PRR11: variants seen among roughly 807,000 people sequenced by gnomAD.
PRR11 encodes the protein proline rich 11.
In PRR11, 30 loss-of-function variants were observed where a neutral mutation model predicts 45.6. The observed-to-expected ratio is 0.66, with a 90% CI of 0.49 to 0.89. The LOEUF (loss-of-function observed/expected upper bound fraction) is 0.89. Ranked by LOEUF, PRR11 falls within the 40% of genes least tolerant of loss-of-function variation. The pLI, the probability that PRR11 is intolerant of heterozygous loss-of-function variation, is 0.00. For synonymous variants in PRR11, 128 were observed against 153.5 expected (o/e 0.83, Z 1.23); for missense variants, 373 against 424.8 (o/e 0.88, Z 1.07).
intron 7 of PRR11, among the ~76,000 whole-genome samples, chr17:59,196,195 C>T (rs2046865181): frequency 6.6e-6 from 1 of 150,376 alleles, no homozygotes; most frequent in Non-Finnish European, 1.5e-5. Context: ...CAAAATGACA[C>T]TTTAAGTTAA....
intron 4 of PRR11, among the ~76,000 whole-genome samples, chr17:59,190,509 A>G (rs981443928): frequency 6.6e-6 from 1 of 152,138 alleles, no homozygotes; most frequent in Non-Finnish European, 1.5e-5. Flanking sequence ...AGAATTAAGA[A>G]TGAAGCTTAT....
In PRR11 at chr17:59,173,484, G is replaced by C. The variant is rs188724707; in HGVS notation, c.128+3604G>C. On this transcript the variant is annotated intron_variant, in intron 2 of 9. Coordinates refer to ENST00000262293, the MANE Select transcript of PRR11 (RefSeq NM_018304.4). ...GTCTGCAGCTTCACTTCTGAAGCCA[G>C]TGAGACCACGAACCCACCGGGAGGA... 3.9e-5 allele frequency among the ~76,000 whole-genome samples: 6 copies of C among 152,320 alleles called. No individual in the cohort carries two copies. The East Asian group carries it at 1.2e-3, about 29-fold the overall frequency.
In PRR11 at chr17:59,205,996, A is replaced by G. The variant is rs1287700667; in HGVS notation, c.*4365A>G. 1.3e-5 allele frequency among the ~76,000 whole-genome samples: 2 copies of G among 152,206 alleles called. No individual in the cohort carries two copies. The highest frequency in any genetic ancestry group is 4.8e-5 in the African/African-American group (2 of 41,550). Reference sequence around the variant, plus strand: ...AACGATGGAAGTGGAGGTTGCAGTGAGCTGAGATCACACTACTGCACTACA... The same window carrying G: ...AACGATGGAAGTGGAGGTTGCAGTGGGCTGAGATCACACTACTGCACTACA... On this transcript the variant is annotated 3_prime_UTR_variant, in exon 10 of 10. Coordinates refer to ENST00000262293, the MANE Select transcript of PRR11 (RefSeq NM_018304.4).
At chr17:59,184,917 G>C (rs1190063720) in intron 2 of PRR11, 137 bp from the exon 3 acceptor site, 2 of 218,838 alleles carry the variant, frequency 9.1e-6, no homozygotes, top group Non-Finnish European at 1.6e-5. Flanking sequence ...GGCTAGTCTT[G>C]AACTCCTGGT....
intron 9 of PRR11, among the ~76,000 whole-genome samples, chr17:59,198,319 C>G (rs139008220): frequency 1.3e-5 from 2 of 152,156 alleles, no homozygotes; most frequent in African/African-American, 4.8e-5. Context: ...GTGGGCAGAT[C>G]ACATGAGGCC....
intron 4 of PRR11, 110 bp from the exon 5 acceptor site, chr17:59,193,382 G>T: frequency 7.7e-7 from 1 of 1,296,666 alleles, no homozygotes; most frequent in South Asian, 1.4e-5. Flanking sequence ...GGAAGCACAT[G>T]GTACGCTGAG....
chr17:59,188,480 GAA>G (rs1167343575), intron 4 of PRR11, among the ~76,000 whole-genome samples: 1 of 151,956 alleles, frequency 6.6e-6, no homozygotes, highest in Non-Finnish European at 1.5e-5. Context: ...AACTTACAAA[GAA>G]AACTGTCAAA....
At chr17:59,182,616 C>T (rs2046794097) in intron 2 of PRR11, among the ~76,000 whole-genome samples, 2 of 151,786 alleles carry the variant, frequency 1.3e-5, no homozygotes, top group Admixed American at 1.3e-4. Flanking sequence ...TCGTCTTGAA[C>T]TCCTGACCTC....
At chr17:59,171,411 T>C (rs2147838425) in intron 2 of PRR11, among the ~76,000 whole-genome samples, 1 of 152,306 alleles carries the variant, frequency 6.6e-6, no homozygotes, top group African/African-American at 2.4e-5. Context: ...ATAAGTGTAA[T>C]ACATATATTA....
intron 1 of PRR11, among the ~76,000 whole-genome samples, chr17:59,161,610 A>G (rs1249419387): frequency 2.0e-5 from 3 of 151,978 alleles, no homozygotes; most frequent in Admixed American, 6.6e-5. Flanking sequence ...CCAGCTGGGC[A>G]TGGTGGTACG....
At chr17:59,156,468 G>A (rs1568315267) in intron 1 of PRR11, among the ~76,000 whole-genome samples, 3 of 151,926 alleles carry the variant, frequency 2.0e-5, no homozygotes, top group South Asian at 4.2e-4. Flanking sequence ...ATAGTGCTAT[G>A]GGTGTTCAAG....
intron 1 of PRR11, among the ~76,000 whole-genome samples, chr17:59,162,249 C>CACACACACAG (rs993569080): frequency 1.5e-5 from 2 of 135,016 alleles, no homozygotes; most frequent in African/African-American, 6.2e-5. Flanking sequence ...CACACACACA[C>CACACACACAG]AGAGAGAGAG....
intron 1 of PRR11, among the ~76,000 whole-genome samples, chr17:59,158,798 C>T (rs781306781): frequency 4.6e-5 from 7 of 152,172 alleles, no homozygotes; most frequent in Non-Finnish European, 1.0e-4. Flanking sequence ...GGAGAAGAGA[C>T]AGGGTAAATT....
chr17:59,176,078 A>G (rs1480569663), intron 2 of PRR11, among the ~76,000 whole-genome samples: 1 of 152,206 alleles, frequency 6.6e-6, no homozygotes, highest in Non-Finnish European at 1.5e-5. Context: ...AGATGAGGGA[A>G]GGCATCACAG....
chr17:59,183,535 G>A lies in PRR11; in HGVS notation c.129-1519G>A, dbSNP rs148638609. 3.8e-3 allele frequency among the ~76,000 whole-genome samples: 582 copies of A among 152,212 alleles called. 6 individuals are homozygous for A. Among genetic ancestry groups the A allele is most frequent in the African/African-American group, 9.3e-3 (386 of 41,534 alleles). On this transcript the variant is annotated intron_variant, in intron 2 of 9. Transcript: ENST00000262293. The stretch of plus-strand genomic sequence containing the variant: ...CCGAGATTCTATACTGGGGGTACAC[G>A]TGTCCTCTGCCGTAAGGCATCTTTG...
intron 9 of PRR11, among the ~76,000 whole-genome samples, chr17:59,200,646 C>A (rs1043675972): frequency 7.2e-5 from 11 of 152,134 alleles, no homozygotes; most frequent in African/African-American, 2.7e-4. Flanking sequence ...GCGCCCGCCA[C>A]CACGCCCGGC....
intron 1 of PRR11, among the ~76,000 whole-genome samples, chr17:59,165,973 C>T (rs756844250): frequency 1.4e-4 from 22 of 152,244 alleles, no homozygotes; most frequent in Middle Eastern, 3.4e-3. Context: ...AAGAAAAGCA[C>T]CTTGTCAAAT....
At chr17:59,190,283 AACATGGTG>A (rs1442566717) in intron 4 of PRR11, among the ~76,000 whole-genome samples, 1 of 152,124 alleles carries the variant, frequency 6.6e-6, no homozygotes, top group African/African-American at 2.4e-5. Context: ...CATCCTAGCC[AACATGGTG>A]AAACCCCGTC....
At chr17:59,169,952 C>T (rs1207433538) in intron 2 of PRR11, 72 bp downstream of exon 2, 1 of 1,488,578 alleles carries the variant, frequency 6.7e-7, no homozygotes, top group Non-Finnish European at 9.0e-7. Flanking sequence ...TCAGATTTAG[C>T]AAATAAAAAT....
Sources: gnomAD v4.1 joint callset for allele counts (sites outside exome capture counted in the v4.1 genomes callset) on GRCh38, gnomAD v4.1.1 for gene constraint, MANE v1.5 for transcripts, NCBI Gene and HGNC (gene_info 2026-07-23, HGNC 2026-07-21) for gene names.